Variants in SLC39A11 observed in about 807,000 individuals in gnomAD.
SLC39A11 encodes the protein zinc transporter ZIP11.
SLC39A11 carries 33 observed loss-of-function variants against 36.1 expected under a neutral mutation model. That is an observed-to-expected ratio of 0.91 (90% CI 0.69 to 1.22). SLC39A11 has a LOEUF of 1.22. Among genes scored for constraint, SLC39A11 ranks in the 50% most tolerant of loss-of-function variants. The pLI is 0.00. For missense variants in SLC39A11, 432 were observed against 430.3 expected (o/e 1.00, Z -0.03); for synonymous variants, 166 against 170.3 (o/e 0.97, Z 0.20).
At chr17:73,038,742 AGGAGGGAGGAG>A (rs562381018) in intron 3 of SLC39A11, among the ~76,000 whole-genome samples, 5,681 of 113,376 alleles carry the variant, frequency 0.05, 186 homozygotes, top group East Asian at 0.1. Context: ...AGAGAAAGAA[AGGAGGGAGGAG>A]GGAGGGAGGA....
intron 7 of SLC39A11, among the ~76,000 whole-genome samples, chr17:72,670,065 T>TATATATACGTATAGATGTATATACACAC (rs2070938721): frequency 2.0e-5 from 3 of 149,160 alleles, no homozygotes; most frequent in Non-Finnish European, 3.0e-5. Flanking sequence ...TATATACACA[T>TATATATACGTATAGATGTATATACACAC]ATATATACGT....
chr17:72,751,960 C>T (rs111400288), intron 6 of SLC39A11, among the ~76,000 whole-genome samples: 2,752 of 152,208 alleles, frequency 0.018, 66 homozygotes, highest in African/African-American at 0.061. Flanking sequence ...TCCCACAGCC[C>T]CTGGCAACCA....
chr17:72,801,747 G>A (rs2077092451), intron 6 of SLC39A11, among the ~76,000 whole-genome samples: 1 of 152,064 alleles, frequency 6.6e-6, no homozygotes, highest in African/African-American at 2.4e-5. Flanking sequence ...ATCTTTTAGG[G>A]TGATAAAAGT....
Position 73,031,730 on chromosome 17 carries a change from C to G in SLC39A11, c.148-16G>C, listed in dbSNP as rs369525928. On this transcript the variant is annotated splice_polypyrimidine_tract_variant and intron_variant, in intron 3 of 9. Transcript: ENST00000255559. The stretch of plus-strand genomic sequence containing the variant: ...CCAACATGACCTACAAAAACCACAA[C>G]GAGAGATAAACGTTAAAGCAACTGC... The G allele has an allele frequency of 1.9e-6, 3 of 1,612,186 alleles. No individual in the cohort carries two copies. Among genetic ancestry groups the G allele is most frequent in the African/African-American group, 2.7e-5 (2 of 74,834 alleles).
At chr17:72,729,432 TATATATATATATA>T (rs1567994736) in intron 7 of SLC39A11, among the ~76,000 whole-genome samples, 53 of 3,458 alleles carry the variant, frequency 0.015, 5 homozygotes, top group African/African-American at 0.036. Flanking sequence ...TATATATATA[TATATATATATATA>T]TATATATATA....
intron 3 of SLC39A11, among the ~76,000 whole-genome samples, chr17:73,037,548 G>A (rs569411771): frequency 6.5e-4 from 99 of 152,298 alleles, no homozygotes; most frequent in Middle Eastern, 6.8e-3. Context: ...TCATAGCCCC[G>A]GATGGTAGAG....
chr17:72,684,610 C>A (rs1176302406), intron 7 of SLC39A11, among the ~76,000 whole-genome samples: 3 of 152,196 alleles, frequency 2.0e-5, no homozygotes, highest in Non-Finnish European at 4.4e-5. Flanking sequence ...TGTCCCCAAA[C>A]TCTATTTGGC....
chr17:72,652,312 T>C (rs2069888431), intron 7 of SLC39A11, among the ~76,000 whole-genome samples: 1 of 152,244 alleles, frequency 6.6e-6, no homozygotes, highest in South Asian at 2.1e-4. Context: ...TATGTTCTCA[T>C]GGCCATGCAT....
At chr17:72,974,548 T>C (rs1198999581) in intron 4 of SLC39A11, among the ~76,000 whole-genome samples, 1 of 152,216 alleles carries the variant, frequency 6.6e-6, no homozygotes, top group Non-Finnish European at 1.5e-5. Flanking sequence ...CTTTACAGTG[T>C]GTTTTAAGCT....
At chr17:72,702,757 T>C (rs908539187) in intron 7 of SLC39A11, among the ~76,000 whole-genome samples, 14 of 151,608 alleles carry the variant, frequency 9.2e-5, no homozygotes, top group Admixed American at 5.3e-4. Flanking sequence ...GCCAACACGG[T>C]GAAACTCCGT....
intron 5 of SLC39A11, among the ~76,000 whole-genome samples, chr17:72,921,814 T>C (rs953516340): frequency 1.3e-5 from 2 of 152,196 alleles, no homozygotes; most frequent in Non-Finnish European, 2.9e-5. Context: ...CGTTATTTTA[T>C]GCAGCATGTC....
At chr17:73,019,823 G>A (rs542614242) in intron 4 of SLC39A11, among the ~76,000 whole-genome samples, 11 of 152,116 alleles carry the variant, frequency 7.2e-5, no homozygotes, top group Middle Eastern at 3.4e-3. Context: ...ATTAAGAGAC[G>A]GAGATCCTTG....
chr17:73,089,754 G>A (rs902254363), intron 1 of SLC39A11: 11 of 152,166 alleles, frequency 7.2e-5, no homozygotes, highest in African/African-American at 2.7e-4. Flanking sequence ...AAGGACCCAG[G>A]AATGGAATGT....
intron 4 of SLC39A11, among the ~76,000 whole-genome samples, chr17:72,994,715 GC>G (rs1334787850): frequency 6.6e-6 from 1 of 152,150 alleles, no homozygotes; most frequent in African/African-American, 2.4e-5. Flanking sequence ...TGAGGATATG[GC>G]CTGACCCGCT....
At chr17:73,028,524 C>G (rs1376392972) in intron 4 of SLC39A11, among the ~76,000 whole-genome samples, 1 of 152,192 alleles carries the variant, frequency 6.6e-6, no homozygotes, top group Non-Finnish European at 1.5e-5. Context: ...TAATTCTCAT[C>G]CATGTATGAG....
chr17:72,793,614 G>A (rs2076790676), intron 6 of SLC39A11, among the ~76,000 whole-genome samples: 1 of 152,174 alleles, frequency 6.6e-6, no homozygotes, highest in Admixed American at 6.5e-5. Flanking sequence ...TAAAAACACA[G>A]AGATGGGGTC....
chr17:72,740,877 C>A (rs566688337), intron 6 of SLC39A11, among the ~76,000 whole-genome samples: 2 of 152,122 alleles, frequency 1.3e-5, no homozygotes, highest in African/African-American at 4.8e-5. Context: ...CAGGTTCAAG[C>A]GATTCTCCTG....
intron 5 of SLC39A11, among the ~76,000 whole-genome samples, chr17:72,878,633 A>G (rs2081039078): frequency 6.6e-6 from 1 of 152,122 alleles, no homozygotes; most frequent in Admixed American, 6.5e-5. Context: ...TTATTGCTGT[A>G]TTTTTCTCCA....
chr17:72,900,107 GAAAA>G (rs1379134929), intron 5 of SLC39A11, among the ~76,000 whole-genome samples: 1 of 70,358 alleles, frequency 1.4e-5, no homozygotes, highest in South Asian at 4.0e-4. Context: ...AAGAAAGAAA[GAAAA>G]AGAAAGAAAG....
Sources: allele counts gnomAD v4.1 joint callset (sites outside exome capture counted in the v4.1 genomes callset), GRCh38; gene constraint gnomAD v4.1.1; transcripts MANE v1.5; gene names NCBI Gene and HGNC (gene_info 2026-07-23, HGNC 2026-07-21).